Variants in ANKRD55 observed in about 807,000 individuals in gnomAD.
The protein encoded by ANKRD55 is ankyrin repeat domain-containing protein 55.
ANKRD55 carries 41 observed loss-of-function variants against 60.6 expected under a neutral mutation model. The observed-to-expected ratio is 0.68, with a 90% CI of 0.53 to 0.88. ANKRD55 has a LOEUF of 0.88. ANKRD55 is among the 40% of genes least tolerant of loss of function. The pLI is 0.00. For missense variants in ANKRD55, 732 were observed against 767.6 expected (o/e 0.95, Z 0.55); for synonymous variants, 264 against 290.3 (o/e 0.91, Z 0.92).
At chr5:56,164,296 A>C (rs1403403183) in intron 5 of ANKRD55, among the ~76,000 whole-genome samples, 1 of 151,950 alleles carries the variant, frequency 6.6e-6, no homozygotes, top group African/African-American at 2.4e-5. Flanking sequence ...CCAGCCCTGG[A>C]GCTGGCCAGC....
rs531044637 is a variant in ANKRD55 at position 56,137,256 on chromosome 5, A to G, written c.612+6545T>C. On this transcript the variant is annotated intron_variant, in intron 7 of 11. Coordinates refer to ENST00000341048, the MANE Select transcript of ANKRD55 (RefSeq NM_024669.3). ...AAAGAGTGCTGAATTTTTGCTGCAC[A>G]TGCTTAAAAATGCAGAGAGTAATGC... is the stretch of plus-strand genomic sequence containing the variant. 2.5e-6 allele frequency: 4 copies of G among 1,603,782 alleles called. No homozygotes were observed. The South Asian group carries it at 3.3e-5, about 13-fold the overall frequency.
At chr5:56,131,624 C>T (rs776598738) in intron 7 of ANKRD55, among the ~76,000 whole-genome samples, 63 of 151,388 alleles carry the variant, frequency 4.2e-4, no homozygotes, top group Non-Finnish European at 6.8e-4. Context: ...GGAGAAACCC[C>T]GTCTCTGCTA....
At chr5:56,133,576 A>G (rs566335329) in intron 7 of ANKRD55, among the ~76,000 whole-genome samples, 1 of 112,964 alleles carries the variant, frequency 8.9e-6, no homozygotes, top group East Asian at 2.4e-4. Context: ...CCATAAAACA[A>G]ACCTTAACAA....
In ANKRD55 at chr5:56,210,555, C is replaced by T. The variant is rs1202377341; in HGVS notation, c.58+22301G>A. Among the ~76,000 whole-genome samples the T allele has an allele frequency of 1.3e-4, 14 of 105,662 alleles. No homozygotes were observed. The Admixed American group carries it at 1.5e-3, about 11-fold the overall frequency. The allele number at this position is 105,662 out of a possible 152,430, so 69.3% of individuals were successfully genotyped here. A position where few individuals can be genotyped will look rare whatever the true frequency, so the allele number is the denominator to read the frequency against. On this transcript the variant is annotated intron_variant, in intron 2 of 11. Coordinates refer to ENST00000341048, the MANE Select transcript of ANKRD55 (RefSeq NM_024669.3). Reference sequence around the variant, plus strand: ...CAGCCTGGGCGACAGAGCGAGACTACGTCTCAAAAAAAAAAAAAAAAAAAA... The same window carrying T: ...CAGCCTGGGCGACAGAGCGAGACTATGTCTCAAAAAAAAAAAAAAAAAAAA...
intron 2 of ANKRD55, among the ~76,000 whole-genome samples, chr5:56,232,466 T>C (rs1233423012): frequency 1.3e-5 from 2 of 152,216 alleles, no homozygotes; most frequent in African/African-American, 4.8e-5. Flanking sequence ...TGTGATGTGT[T>C]CTTACATTGC....
At chr5:56,193,229 T>A in intron 2 of ANKRD55, 1 of 1,019,008 alleles carries the variant, frequency 9.8e-7, no homozygotes, top group Non-Finnish European at 1.4e-6. Context: ...TTGATGCATT[T>A]AAAACAGACA....
At chr5:56,102,056 G>A (rs773439896) in intron 11 of ANKRD55, among the ~76,000 whole-genome samples, 1 of 152,088 alleles carries the variant, frequency 6.6e-6, no homozygotes, top group African/African-American at 2.4e-5. Flanking sequence ...CTGTTTTCCT[G>A]TAATTTATAA....
intron 2 of ANKRD55, among the ~76,000 whole-genome samples, chr5:56,218,872 C>G (rs1360897884): frequency 1.3e-5 from 2 of 152,028 alleles, no homozygotes; most frequent in Admixed American, 1.3e-4. Context: ...AATGATAAAG[C>G]AAACGGGGCA....
At chr5:56,154,162 C>A (rs1758131166) in intron 6 of ANKRD55, among the ~76,000 whole-genome samples, 2 of 129,408 alleles carry the variant, frequency 1.5e-5, no homozygotes, top group South Asian at 4.9e-4. Context: ...GATCGCACCA[C>A]TGCACTCCAG....
intron 6 of ANKRD55, among the ~76,000 whole-genome samples, chr5:56,151,116 C>T (rs1261080892): frequency 1.3e-5 from 2 of 152,094 alleles, no homozygotes; most frequent in African/African-American, 4.8e-5. Context: ...CCTCGGCCTC[C>T]CAAAGGGCTG....
intron 2 of ANKRD55, among the ~76,000 whole-genome samples, chr5:56,189,424 A>G (rs774642430): frequency 9.2e-5 from 14 of 152,066 alleles, no homozygotes; most frequent in Admixed American, 1.3e-4. Flanking sequence ...TGTAACCATC[A>G]CTAAAACTCA....
In ANKRD55 at chr5:56,127,244, GA is replaced by G. The variant is rs942580888; in HGVS notation, c.613-139del. On this transcript the variant is annotated intron_variant, in intron 7 of 11. Transcript: ENST00000341048. ...AAAGATGAAAAGAGAAAAGGAAATG[GA>G]AAAAAAAGAATAAAAATACACTCTA... 15 of 1,294,984 alleles carry G rather than the reference GA, an allele frequency of 1.2e-5. No homozygotes were observed. In the African/African-American group the frequency reaches 1.5e-4, roughly 13 times the overall value. 80.2% of individuals were successfully genotyped at this position (1,294,984 alleles called of 1,614,324 possible).
At chr5:56,206,086 C>G (rs1198886965) in intron 2 of ANKRD55, among the ~76,000 whole-genome samples, 2 of 151,882 alleles carry the variant, frequency 1.3e-5, no homozygotes, top group Non-Finnish European at 2.9e-5. Flanking sequence ...GATGACCCTC[C>G]TACCTCAGCC....
intron 2 of ANKRD55, among the ~76,000 whole-genome samples, chr5:56,225,219 C>T (rs537639541): frequency 3.9e-5 from 6 of 152,182 alleles, no homozygotes; most frequent in African/African-American, 1.4e-4. Context: ...ATAAACAGAA[C>T]CAAAGACAAA....
rs542329683 is a variant in ANKRD55, at chr5:56,113,598, T to C, written c.966-1816A>G. ...TTTATGCCTTGCAGACAAACTGTGG[T>C]TATGTAGAGCTAAGTATTTGCAGAA... On this transcript the variant is annotated intron_variant, in intron 9 of 11. Coordinates refer to ENST00000341048, the MANE Select transcript of ANKRD55 (RefSeq NM_024669.3). 2.2e-4 allele frequency among the ~76,000 whole-genome samples: 34 copies of C among 152,136 alleles called. No homozygotes were observed. The South Asian group carries it at 5.0e-3, about 22-fold the overall frequency.
intron 5 of ANKRD55, 90 bp from the exon 6 acceptor site, chr5:56,159,983 C>G: frequency 8.7e-7 from 1 of 1,143,330 alleles, no homozygotes; most frequent in Non-Finnish European, 1.3e-6. Context: ...TTAGAAAAAC[C>G]GTCAGTTGAA....
At chr5:56,216,489 G>A (rs1759813029) in intron 2 of ANKRD55, among the ~76,000 whole-genome samples, 1 of 152,228 alleles carries the variant, frequency 6.6e-6, no homozygotes, top group Non-Finnish European at 1.5e-5. Flanking sequence ...AGGAAGGCAT[G>A]TTGAAAGCTA....
At chr5:56,211,222 C>T (rs1456640849) in intron 2 of ANKRD55, among the ~76,000 whole-genome samples, 1 of 152,204 alleles carries the variant, frequency 6.6e-6, no homozygotes, top group Non-Finnish European at 1.5e-5. Context: ...CACAGAAAAA[C>T]AGTATCTCCG....
rs1386312631 is a variant in ANKRD55, at chr5:56,173,588, A to C, written c.312+2564T>G. 5.1e-3 allele frequency among the ~76,000 whole-genome samples: 649 copies of C among 127,092 alleles called. 1 individual carries two copies. The highest frequency in any genetic ancestry group is 6.3e-3 in the Non-Finnish European group (395 of 62,352). 83.4% of individuals were successfully genotyped at this position (127,092 alleles called of 152,430 possible). ...TCTCTCTCTCTCTCTCTCTCTATAT[A>C]TATATATATATATATATATCTTGGC... On this transcript the variant is annotated intron_variant, in intron 4 of 11. Transcript: ENST00000341048.
Sources: gnomAD v4.1 joint callset for allele counts (sites outside exome capture counted in the v4.1 genomes callset) on GRCh38, gnomAD v4.1.1 for gene constraint, MANE v1.5 for transcripts, NCBI Gene and HGNC (gene_info 2026-07-23, HGNC 2026-07-21) for gene names.